CNTN5: variants seen among roughly 807,000 people sequenced by gnomAD.
CNTN5 encodes contactin 5.
In CNTN5, 77 loss-of-function variants were observed where a neutral mutation model predicts 129.1. That is an observed-to-expected ratio of 0.60 (90% CI 0.50 to 0.72). The LOEUF is 0.72. Among genes scored for constraint, CNTN5 ranks in the 30% least tolerant of loss-of-function variants. CNTN5 has a pLI of 0.00. For synonymous variants in CNTN5, 509 were observed against 465.6 expected, an observed-to-expected ratio of 1.09 and a Z score of -1.20; for missense variants, 1,478 against 1,328.8, an observed-to-expected ratio of 1.11 and a Z score of -1.75.
At chr11:99,709,157 A>G (rs1954869685) in intron 3 of CNTN5, among the ~76,000 whole-genome samples, 1 of 151,900 alleles carries the variant, frequency 6.6e-6, no homozygotes, top group Admixed American at 6.6e-5. Flanking sequence ...ATTCTGAGCT[A>G]CTTTATTTGT....
At chr11:99,703,993 G>A (rs866425460) in intron 3 of CNTN5, among the ~76,000 whole-genome samples, 37 of 151,004 alleles carry the variant, frequency 2.5e-4, no homozygotes, top group African/African-American at 8.7e-4. Flanking sequence ...GGACATTGTA[G>A]TGAACTGCTT....
chr11:99,342,385 C>T (rs562436522), intron 2 of CNTN5, among the ~76,000 whole-genome samples: 9 of 151,526 alleles, frequency 5.9e-5, no homozygotes, highest in Non-Finnish European at 1.0e-4. Context: ...GTAGGACAAT[C>T]ATTTTAAAAA....
At position 99,684,098 on chromosome 11, in the gene CNTN5, C is replaced by A. The variant is rs543648365; in HGVS notation, c.55+127829C>A. Among the ~76,000 whole-genome samples, 14 of 151,842 alleles carry A rather than the reference C, an allele frequency of 9.2e-5. No individual in the cohort carries two copies. The South Asian group carries it at 2.9e-3, about 32-fold the overall frequency. ...CTCTACTCAACATATTCCCATGCCC[C>A]AACCCCCGTCTGGTAACCACACTTT... On this transcript the variant is annotated intron_variant, in intron 3 of 24. Transcript: ENST00000524871.
At chr11:99,198,045 T>G (rs1185454300) in intron 1 of CNTN5, among the ~76,000 whole-genome samples, 2 of 152,116 alleles carry the variant, frequency 1.3e-5, no homozygotes, top group African/African-American at 4.8e-5. Flanking sequence ...CTTCTATAGC[T>G]CTTTCTATTC....
intron 17 of CNTN5, among the ~76,000 whole-genome samples, chr11:100,259,271 T>C (rs530382715): frequency 3.3e-5 from 5 of 152,212 alleles, no homozygotes; most frequent in African/African-American, 7.2e-5. Context: ...ATGCACCCAA[T>C]ACAGGAGCAC....
At chr11:100,014,224 A>G (rs1940691771) in intron 9 of CNTN5, among the ~76,000 whole-genome samples, 1 of 152,148 alleles carries the variant, frequency 6.6e-6, no homozygotes, top group Non-Finnish European at 1.5e-5. Context: ...CTAATGTTAT[A>G]TATACCACAT....
intron 20 of CNTN5, among the ~76,000 whole-genome samples, chr11:100,300,556 C>A (rs960158005): frequency 1.3e-5 from 2 of 151,382 alleles, no homozygotes; most frequent in African/African-American, 4.8e-5. Context: ...TTATTATATC[C>A]CCCCATGAAG....
chr11:99,438,496 A>G (rs77970790), intron 2 of CNTN5, among the ~76,000 whole-genome samples: 3,463 of 151,854 alleles, frequency 0.023, 187 homozygotes, highest in East Asian at 0.15. Flanking sequence ...TGCCTTCTTT[A>G]TTTTCCTTCA....
chr11:99,525,480 C>A (rs1947450040), intron 2 of CNTN5, among the ~76,000 whole-genome samples: 1 of 152,082 alleles, frequency 6.6e-6, no homozygotes, highest in African/African-American at 2.4e-5. Flanking sequence ...AAAACATTGT[C>A]CAGATAAGTA....
At chr11:99,267,881 C>T (rs1862975550) in intron 1 of CNTN5, among the ~76,000 whole-genome samples, 1 of 150,272 alleles carries the variant, frequency 6.7e-6, no homozygotes, top group Admixed American at 6.7e-5. Flanking sequence ...TCCTTGTGCT[C>T]TCTCTCTCTT....
intron 1 of CNTN5, among the ~76,000 whole-genome samples, chr11:99,201,629 T>C (rs949313200): frequency 2.0e-5 from 3 of 152,068 alleles, no homozygotes; most frequent in Admixed American, 1.3e-4. Context: ...ATCATTTGGA[T>C]GGGCACACTG....
Position 99,796,896 on chromosome 11 carries a change from T to C in CNTN5, c.56-22648T>C, listed in dbSNP as rs192329873. On this transcript the variant is annotated intron_variant, in intron 3 of 24. Transcript: ENST00000524871. ...AACTCAAGTGTCTCTGGAGGTCGTGTGGTCTTCTGCTGCCAGGATTCCAGG... is the reference window on the plus strand; with the variant it reads ...AACTCAAGTGTCTCTGGAGGTCGTGCGGTCTTCTGCTGCCAGGATTCCAGG... Among the ~76,000 whole-genome samples the C allele has an allele frequency of 5.5e-3, 839 of 152,182 alleles. 19 individuals carry two copies. Among genetic ancestry groups the C allele is most frequent in the African/African-American group, 0.019 (800 of 41,522 alleles).
chr11:99,634,407 G>A (rs1951474053), intron 3 of CNTN5, among the ~76,000 whole-genome samples: 1 of 152,246 alleles, frequency 6.6e-6, no homozygotes, highest in Admixed American at 6.5e-5. Context: ...AATTCTGAAG[G>A]TGTTTGATTA....
chr11:99,615,691 C>A (rs983823095), intron 3 of CNTN5, among the ~76,000 whole-genome samples: 3 of 151,830 alleles, frequency 2.0e-5, no homozygotes, highest in East Asian at 3.9e-4. Context: ...AATTATAGTA[C>A]AACATCACAT....
At chr11:100,347,888 C>T (rs1482456798) in intron 23 of CNTN5, among the ~76,000 whole-genome samples, 1 of 151,972 alleles carries the variant, frequency 6.6e-6, no homozygotes, top group Non-Finnish European at 1.5e-5. Flanking sequence ...TTGGGTATAA[C>T]CAGCAAAAAT....
intron 3 of CNTN5, among the ~76,000 whole-genome samples, chr11:99,699,456 G>A (rs990077646): frequency 6.6e-6 from 1 of 151,242 alleles, no homozygotes; most frequent in Non-Finnish European, 1.5e-5. Flanking sequence ...TATGCATTGA[G>A]GTATCATGTA....
At chr11:99,409,223 G>C (rs1239694671) in intron 2 of CNTN5, among the ~76,000 whole-genome samples, 2 of 152,208 alleles carry the variant, frequency 1.3e-5, no homozygotes, top group African/African-American at 4.8e-5. Context: ...CCAGCACTTT[G>C]GGAGGCCATG....
At chr11:100,236,096 G>A (rs1358436847) in intron 16 of CNTN5, among the ~76,000 whole-genome samples, 1 of 152,134 alleles carries the variant, frequency 6.6e-6, no homozygotes, top group Non-Finnish European at 1.5e-5. Context: ...ATAACCTGTA[G>A]GTAATTAACA....
intron 14 of CNTN5, among the ~76,000 whole-genome samples, chr11:100,191,488 T>G (rs1948492196): frequency 6.6e-6 from 1 of 152,052 alleles, no homozygotes; most frequent in Admixed American, 6.6e-5. Context: ...TGAATAAAAT[T>G]TGTGAGAGAA....
Sources: gnomAD v4.1 joint callset for allele counts (sites outside exome capture counted in the v4.1 genomes callset) on GRCh38, gnomAD v4.1.1 for gene constraint, MANE v1.5 for transcripts, NCBI Gene and HGNC (gene_info 2026-07-23, HGNC 2026-07-21) for gene names.